The following COL4A2 variants were observed in gnomAD, a reference collection of about 807,000 sequenced individuals.
COL4A2 encodes the protein collagen alpha-2(IV) chain.
A neutral mutation model predicts 200.2 loss-of-function variants in COL4A2; 99 were observed. The ratio of observed to expected loss-of-function variants is 0.49; its 90% confidence interval spans 0.42 to 0.58. The LOEUF is 0.58. COL4A2 is among the 20% of genes least tolerant of loss of function. The pLI, the probability that COL4A2 is intolerant of heterozygous loss-of-function variation, is 0.00. For missense variants in COL4A2, 1,950 were observed against 2,314.1 expected (o/e 0.84, Z 3.23); for synonymous variants, 897 against 900.6 (o/e 1.00, Z 0.07).
intron 4 of COL4A2, among the ~76,000 whole-genome samples, chr13:110,365,328 A>T (rs1375632753): frequency 1.3e-5 from 2 of 151,972 alleles, no homozygotes; most frequent in Admixed American, 6.6e-5. Flanking sequence ...TTTAGTAGAG[A>T]TGGGGTTTCT....
Position 110,470,445 on chromosome 13 carries a change from G to T in COL4A2, c.2203+1121G>T, listed in dbSNP as rs572782260. ...AGGGAGTTCTCACCGGGCTGTTCCT[G>T]AGCCACACAGTTGACTTCCTCATAA... On this transcript the variant is annotated intron_variant, in intron 28 of 47. Transcript: ENST00000360467. 1.2e-4 allele frequency among the ~76,000 whole-genome samples: 19 copies of T among 152,204 alleles called. No homozygotes were observed. The South Asian group carries it at 3.9e-3, about 32-fold the overall frequency.
chr13:110,349,051 C>G (rs1440967854), intron 3 of COL4A2, among the ~76,000 whole-genome samples: 1 of 152,178 alleles, frequency 6.6e-6, no homozygotes, highest in Non-Finnish European at 1.5e-5. Flanking sequence ...ATGGCATCCA[C>G]TTTAAATGAT....
chr13:110,309,286 G>A (rs1159282792), intron 3 of COL4A2, among the ~76,000 whole-genome samples: 1 of 152,212 alleles, frequency 6.6e-6, no homozygotes, highest in African/African-American at 2.4e-5. Context: ...GGAGGACTCG[G>A]AGACTTTGAC....
chr13:110,395,766 G>A (rs1035547135), intron 4 of COL4A2, among the ~76,000 whole-genome samples: 3 of 152,080 alleles, frequency 2.0e-5, no homozygotes, highest in Non-Finnish European at 4.4e-5. Flanking sequence ...CCAATATGAC[G>A]AAACTCCGTC....
chr13:110,362,061 G>A (rs1431915186), intron 4 of COL4A2, among the ~76,000 whole-genome samples: 4 of 152,194 alleles, frequency 2.6e-5, no homozygotes, highest in African/African-American at 9.7e-5. Context: ...CCATATGTCA[G>A]CCTAGAAGAG....
At chr13:110,495,556 G>C in intron 40 of COL4A2, 89 bp downstream of exon 40, 1 of 1,510,808 alleles carries the variant, frequency 6.6e-7, no homozygotes. Context: ...TGGGGTGGGA[G>C]AGGCTGTGCA....
At chr13:110,331,235 T>C (rs1228647673) in intron 3 of COL4A2, among the ~76,000 whole-genome samples, 1 of 152,188 alleles carries the variant, frequency 6.6e-6, no homozygotes, top group Non-Finnish European at 1.5e-5. Flanking sequence ...ATATTACAGT[T>C]CCCAATTATT....
chr13:110,474,626 G>A (rs573912897), intron 29 of COL4A2, among the ~76,000 whole-genome samples: 1 of 152,048 alleles, frequency 6.6e-6, no homozygotes, highest in East Asian at 1.9e-4. Flanking sequence ...ATACACACAT[G>A]CAGATACCTA....
In COL4A2 at chr13:110,449,661, G is replaced by A. The variant is rs1363834232; in HGVS notation, c.1079-18G>A. The A allele has an allele frequency of 2.0e-6, 3 of 1,534,650 alleles. No individual in the cohort carries two copies. The East Asian group carries it at 7.4e-5, about 38-fold the overall frequency. On this transcript the variant is annotated intron_variant, in intron 18 of 47. Coordinates refer to ENST00000360467, the MANE Select transcript of COL4A2 (RefSeq NM_001846.4). ...GACCACGGTCTTGTTCTTACTGTGG[G>A]ACTTGTTTCCCTTCCAGGTGCCAGA... is the stretch of plus-strand genomic sequence containing the variant.
At chr13:110,366,940 G>A (rs536286641) in intron 4 of COL4A2, among the ~76,000 whole-genome samples, 18 of 152,286 alleles carry the variant, frequency 1.2e-4, no homozygotes, top group Middle Eastern at 3.4e-3. Context: ...CCACTGAAGC[G>A]CTCAAGGTGT....
At position 110,480,397 on chromosome 13, in the gene COL4A2, G is replaced by T; in HGVS notation, c.2758+7G>T. 2 of 1,607,268 alleles carry T rather than the reference G, an allele frequency of 1.2e-6. No individual in the cohort carries two copies. Among genetic ancestry groups the T allele is most frequent in the Non-Finnish European group, 1.7e-6 (2 of 1,176,646 alleles). ...GGGACCCCCGGGCTAAAAGGTAATT[G>T]TGTGACTGTGACCAGGGATCCCTTG... On this transcript the variant is annotated splice_region_variant and intron_variant, in intron 31 of 47. Transcript: ENST00000360467.
At chr13:110,399,732 C>T (rs1394455694) in intron 4 of COL4A2, among the ~76,000 whole-genome samples, 1 of 152,166 alleles carries the variant, frequency 6.6e-6, no homozygotes, top group Non-Finnish European at 1.5e-5. Flanking sequence ...CCACACAGTT[C>T]ATCTAATTGA....
intron 4 of COL4A2, among the ~76,000 whole-genome samples, chr13:110,382,870 A>G (rs1878544953): frequency 6.6e-6 from 1 of 152,240 alleles, no homozygotes; most frequent in South Asian, 2.1e-4. Flanking sequence ...ATCCGCAGAT[A>G]ATTTTTTAAA....
chr13:110,512,049 A>G lies in COL4A2; in HGVS notation c.4997A>G (p.His1666Arg), dbSNP rs761217889. The G allele has an allele frequency of 5.0e-6, 8 of 1,613,818 alleles. No individual in the cohort carries two copies. The highest frequency in any genetic ancestry group is 5.1e-6 in the Non-Finnish European group (6 of 1,180,036). The change falls in exon 48 of 48, where the codon CAC becomes CGC. Residue 1666 changes from histidine (H) to arginine (R), a missense_variant. This residue lies in a region of COL4A2 where 1,385 missense variants were observed against 1,720.5 expected (regional missense o/e 0.80). Transcript: ENST00000360467. ...TGCAATGGAGGCCGCGGCACCTGCC[A>G]CTACTACGCCAACAAGTACAGCTTC... ...IECNGGRGTC[H>R]YYANKYSFWL...
chr13:110,433,653 C>T (rs1566530427), intron 11 of COL4A2, among the ~76,000 whole-genome samples: 1 of 152,194 alleles, frequency 6.6e-6, no homozygotes, highest in Non-Finnish European at 1.5e-5. Context: ...TATGTGACCC[C>T]GCTGTCACTG....
intron 3 of COL4A2, among the ~76,000 whole-genome samples, chr13:110,309,512 T>C (rs1038413231): frequency 1.8e-4 from 27 of 152,178 alleles, no homozygotes; most frequent in African/African-American, 6.5e-4. Context: ...GGGCGATCCC[T>C]AGAAAATACC....
Position 110,464,356 on chromosome 13 carries a change from G to T in COL4A2, c.1777-1049G>T, listed in dbSNP as rs143022828. Among the ~76,000 whole-genome samples the T allele has an allele frequency of 1.1e-3, 169 of 152,288 alleles. 1 individual carries two copies. Among genetic ancestry groups the T allele is most frequent in the Middle Eastern group, 6.8e-3 (2 of 294 alleles). On this transcript the variant is annotated intron_variant, in intron 24 of 47. Transcript: ENST00000360467. Reference sequence around the variant, plus strand: ...GTGTAGGGACTTTCCCAGTGCTTGTGTGCCTTCCTTGTTTGGTGGCATCTC... The same window carrying T: ...GTGTAGGGACTTTCCCAGTGCTTGTTTGCCTTCCTTGTTTGGTGGCATCTC...
At chr13:110,334,085 C>T (rs1439707241) in intron 3 of COL4A2, among the ~76,000 whole-genome samples, 1 of 152,196 alleles carries the variant, frequency 6.6e-6, no homozygotes, top group Non-Finnish European at 1.5e-5. Flanking sequence ...GGGTCACACC[C>T]AGGTGTGGCC....
chr13:110,385,506 T>TGGATAGACCGTGGTTACAGTGC (rs1878668248), intron 4 of COL4A2, among the ~76,000 whole-genome samples: 1 of 80,046 alleles, frequency 1.2e-5, no homozygotes, highest in Non-Finnish European at 2.7e-5. Context: ...GGTTACAGTG[T>TGGATAGACCGTGGTTACAGTGC]GTGGATAGGC....
Sources: allele counts gnomAD v4.1 joint callset (sites outside exome capture counted in the v4.1 genomes callset), GRCh38; gene constraint gnomAD v4.1.1; regional missense constraint gnomAD v4.1.1; transcripts MANE v1.5; gene names NCBI Gene and HGNC (gene_info 2026-07-23, HGNC 2026-07-21).